The following SLFN12L variants were observed in gnomAD, a reference collection of about 807,000 sequenced individuals.
SLFN12L encodes schlafen family member 12 like.
SLFN12L carries 34 observed loss-of-function variants against 34.8 expected under a neutral mutation model. The ratio of observed to expected loss-of-function variants is 0.98; its 90% CI spans 0.74 to 1.30. The LOEUF (loss-of-function observed/expected upper bound fraction) is 1.30. Ranked by LOEUF, SLFN12L falls within the 50% of genes most tolerant of loss-of-function variation. SLFN12L has a pLI of 0.00. For synonymous variants in SLFN12L, 259 were observed against 247.5 expected, an observed-to-expected ratio of 1.05 and a Z score of -0.44; for missense variants, 703 against 696.2, an observed-to-expected ratio of 1.01 and a Z score of -0.11.
chr17:35,491,623 G>A (rs1175098449), intron 2 of SLFN12L, among the ~76,000 whole-genome samples: 1 of 152,212 alleles, frequency 6.6e-6, no homozygotes, highest in Non-Finnish European at 1.5e-5. Flanking sequence ...TGGCCTGCTG[G>A]GAAACAGCAA....
rs2142121934 is a variant in SLFN12L at position 35,473,801 on chromosome 17, T to C, written c.*1122A>G. On this transcript the variant is annotated 3_prime_UTR_variant, in exon 5 of 5. Transcript: ENST00000628453. ...CTGGTCCTGGGCTTTTTTTGGTTAG[T>C]AATTACTGCCTCAATTTCAGAACTT... 6.6e-6 allele frequency: 1 copy of C among 152,364 alleles called. No homozygotes were observed. Among genetic ancestry groups the C allele is most frequent in the African/African-American group, 2.4e-5 (1 of 41,584 alleles). The allele number at this position is 152,364 out of a possible 1,614,324, so 9.4% of individuals were successfully genotyped here.
In SLFN12L at chr17:35,470,407, AT is replaced by A; in HGVS notation, c.*4515del. ...AAGTTCCAGATAACAGGCTCTTGTCATTTTCCCAATCTTTCCTCATTGCAAT... is the reference window on the plus strand; with the variant it reads ...AAGTTCCAGATAACAGGCTCTTGTCATTTCCCAATCTTTCCTCATTGCAAT... On this transcript the variant is annotated 3_prime_UTR_variant, in exon 5 of 5. Transcript: ENST00000628453. The A allele has an allele frequency of 6.5e-6, 1 of 154,812 alleles. No homozygotes were observed. The allele number at this position is 154,812 out of a possible 1,614,324, so 9.6% of individuals were successfully genotyped here. A position where few individuals can be genotyped will look rare whatever the true frequency, so the allele number is the denominator to read the frequency against.
intron 2 of SLFN12L, among the ~76,000 whole-genome samples, chr17:35,493,629 T>C (rs878941386): frequency 6.6e-6 from 1 of 152,250 alleles, no homozygotes; most frequent in South Asian, 2.1e-4. Context: ...TTTGTTTGCA[T>C]CAAGTAATTT....
Position 35,474,054 on chromosome 17 carries a change from G to C in SLFN12L, c.*869C>G, listed in dbSNP as rs1399237562. 3 of 152,192 alleles carry C rather than the reference G, an allele frequency of 2.0e-5. No homozygotes were observed. Among genetic ancestry groups the C allele is most frequent in the Admixed American group, 6.5e-5 (1 of 15,284 alleles). The allele number at this position is 152,192 out of a possible 1,614,324, so 9.4% of individuals were successfully genotyped here. ...ATGCCTCAGCCTCCCGAGTAGCTGG[G>C]ACTACATGTGTGTGCCACCACACTT... On this transcript the variant is annotated 3_prime_UTR_variant, in exon 5 of 5. Coordinates refer to ENST00000628453, the MANE Select transcript of SLFN12L (RefSeq NM_001363830.2).
Position 35,474,965 on chromosome 17 carries a change from A to C in SLFN12L, c.1797T>G (p.Phe599Leu), listed in dbSNP as rs781336548. The change falls in exon 5 of 5, where the codon TTT becomes TTG. Residue 599 changes from phenylalanine (F) to leucine (L), a missense_variant. Transcript: ENST00000628453. Reference sequence around the variant, plus strand: ...AAACAAACCAACAAACAAACAAACAAAAACGAAACAAACAAACAAACAAAA... The same window carrying C: ...AAACAAACCAACAAACAAACAAACACAAACGAAACAAACAAACAAACAAAA... Reference protein sequence around the residue: ...QIFLFVCLFRFCLFVCWFVCF... With the variant: ...QIFLFVCLFRLCLFVCWFVCF... The C allele has an allele frequency of 1.8e-4, 275 of 1,552,252 alleles. 1 individual carries two copies. Among genetic ancestry groups the C allele is most frequent in the Non-Finnish European group, 2.2e-5 (25 of 1,147,370 alleles).
intron 2 of SLFN12L, among the ~76,000 whole-genome samples, chr17:35,485,418 A>G (rs774131768): frequency 6.6e-6 from 1 of 151,656 alleles, no homozygotes; most frequent in Non-Finnish European, 1.5e-5. Context: ...TAAAGTCTGG[A>G]TATTAGTCTT....
intron 2 of SLFN12L, among the ~76,000 whole-genome samples, chr17:35,497,355 C>T (rs559568028): frequency 7.2e-5 from 11 of 152,214 alleles, no homozygotes; most frequent in Admixed American, 2.6e-4. Flanking sequence ...CGTATCACTG[C>T]ACTCCAGCCT....
intron 2 of SLFN12L, among the ~76,000 whole-genome samples, chr17:35,504,198 A>G (rs1915391920): frequency 1.3e-5 from 2 of 152,174 alleles, no homozygotes; most frequent in African/African-American, 4.8e-5. Flanking sequence ...CTCTCCTCAG[A>G]CTGGGCATTA....
chr17:35,479,485 T>C lies in SLFN12L; in HGVS notation c.797A>G (p.Gln266Arg), dbSNP rs1597832008. ...AGTATTTGCAAATGCAGAAACATAT[T>C]GAGGGAGAATCTCTGTAATTCGTTG... ...LLQRITEILP[Q>R]YVSAFANTDG... The change falls in exon 3 of 5, where the codon CAA becomes CGA. Residue 266 changes from glutamine (Q) to arginine (R), a missense_variant. Physicochemically the swap from Gln to Arg is conservative, Grantham distance 43. Coordinates refer to ENST00000628453, the MANE Select transcript of SLFN12L (RefSeq NM_001363830.2). 6.2e-7 allele frequency: 1 copy of C among 1,614,210 alleles called. No individual in the cohort carries two copies. Among genetic ancestry groups the C allele is most frequent in the East Asian group, 2.2e-5 (1 of 44,888 alleles).
At chr17:35,510,912 C>T (rs1049621292) in intron 2 of SLFN12L, among the ~76,000 whole-genome samples, 1 of 150,974 alleles carries the variant, frequency 6.6e-6, no homozygotes, top group African/African-American at 2.4e-5. Context: ...CTTTGAATGT[C>T]TTGCTTCTTC....
intron 2 of SLFN12L, chr17:35,487,777 C>T (rs1056793529): frequency 1.3e-6 from 2 of 1,535,506 alleles, no homozygotes; most frequent in Non-Finnish European, 8.7e-7. Context: ...GACCTGAGTT[C>T]TTTTCCACTT....
intron 2 of SLFN12L, 25 bp from the exon 3 acceptor site, chr17:35,480,220 G>A (rs770822462): frequency 5.9e-6 from 9 of 1,515,930 alleles, no homozygotes; most frequent in Non-Finnish European, 7.9e-6. Context: ...CGTTAGAATA[G>A]GAGTTAAGCC....
chr17:35,534,308 G>C (rs923080866), intron 1 of SLFN12L, among the ~76,000 whole-genome samples: 1 of 152,216 alleles, frequency 6.6e-6, no homozygotes, highest in African/African-American at 2.4e-5. Context: ...GTTGCAGTGA[G>C]CTGAGATCGT....
At chr17:35,496,248 C>G (rs1915066856) in intron 2 of SLFN12L, among the ~76,000 whole-genome samples, 1 of 152,038 alleles carries the variant, frequency 6.6e-6, no homozygotes, top group Non-Finnish European at 1.5e-5. Flanking sequence ...CTTTGGGAGG[C>G]CGAAATGGGC....
At chr17:35,504,220 C>T (rs1915392359) in intron 2 of SLFN12L, among the ~76,000 whole-genome samples, 1 of 152,140 alleles carries the variant, frequency 6.6e-6, no homozygotes, top group Non-Finnish European at 1.5e-5. Context: ...TAAATTGGGA[C>T]CATTTAATCC....
intron 2 of SLFN12L, chr17:35,498,619 G>A (rs1194086215): frequency 1.2e-6 from 2 of 1,611,590 alleles, no homozygotes; most frequent in African/African-American, 2.7e-5. Context: ...AGCCAGAAGG[G>A]CGTCATTGAG....
chr17:35,507,600 G>A (rs534447810), intron 2 of SLFN12L, among the ~76,000 whole-genome samples: 2 of 152,336 alleles, frequency 1.3e-5, no homozygotes, highest in South Asian at 4.1e-4. Context: ...ATTGGCACAT[G>A]TGCCCATGCA....
chr17:35,495,448 A>G (rs930577672), intron 2 of SLFN12L, among the ~76,000 whole-genome samples: 1 of 152,202 alleles, frequency 6.6e-6, no homozygotes, highest in Admixed American at 6.5e-5. Context: ...CTATTTTTAC[A>G]GTAACATATA....
chr17:35,537,223 C>A (rs1005273151), intron 1 of SLFN12L, among the ~76,000 whole-genome samples: 1 of 152,112 alleles, frequency 6.6e-6, no homozygotes, highest in African/African-American at 2.4e-5. Context: ...CCTCCCAAGT[C>A]TCCTCACTTG....
Sources: allele counts gnomAD v4.1 joint callset (sites outside exome capture counted in the v4.1 genomes callset), GRCh38; gene constraint gnomAD v4.1.1; transcripts MANE v1.5; gene names NCBI Gene and HGNC (gene_info 2026-07-23, HGNC 2026-07-21).